The following NIBAN1 variants were observed in gnomAD, a reference collection of about 807,000 sequenced individuals.
NIBAN1 encodes niban apoptosis regulator 1, also known as protein Niban 1.
In NIBAN1, 81 loss-of-function variants were observed where a neutral mutation model predicts 75.1. That is an observed-to-expected ratio of 1.08 (90% CI 0.90 to 1.30). The LOEUF (loss-of-function observed/expected upper bound fraction) is 1.30, where lower values mean the gene tolerates loss of function less well. NIBAN1 is among the 50% of genes most tolerant of loss of function. The probability of loss-of-function intolerance (pLI) is 0.00; values close to 1 mark genes in which losing one functional copy is unlikely to be tolerated. For synonymous variants in NIBAN1, 436 were observed against 424.8 expected (o/e 1.03, Z -0.32); for missense variants, 1,133 against 1,128.1 (o/e 1.00, Z -0.06).
At chr1:184,962,145 A>T (rs866431801) in intron 1 of NIBAN1, among the ~76,000 whole-genome samples, 1 of 152,358 alleles carries the variant, frequency 6.6e-6, no homozygotes, top group African/African-American at 2.4e-5. Flanking sequence ...GAGAAAAGAG[A>T]ATAGAATATA....
Position 184,915,091 on chromosome 1 carries a change from C to T in NIBAN1, c.56-15782G>A, listed in dbSNP as rs116849712. Reference sequence around the variant, plus strand: ...TATTGAGCAGTATGTCTCTAGAAAACCTTTCATGTCTTCATCTTAAAATAG... The same window carrying T: ...TATTGAGCAGTATGTCTCTAGAAAATCTTTCATGTCTTCATCTTAAAATAG... On this transcript the variant is annotated intron_variant, in intron 1 of 13. Coordinates refer to ENST00000367511, the MANE Select transcript of NIBAN1 (RefSeq NM_052966.4). Among the ~76,000 whole-genome samples the T allele has an allele frequency of 4.2e-3, 644 of 152,250 alleles. 11 individuals carry two copies. The East Asian group carries it at 0.071, about 17-fold the overall frequency.
chr1:184,931,823 C>G (rs1657832727), intron 1 of NIBAN1, among the ~76,000 whole-genome samples: 1 of 152,186 alleles, frequency 6.6e-6, no homozygotes, highest in Non-Finnish European at 1.5e-5. Flanking sequence ...ATGTGTAGCG[C>G]AGCACAATCA....
chr1:184,940,799 A>G (rs1658071051), intron 1 of NIBAN1, among the ~76,000 whole-genome samples: 1 of 152,256 alleles, frequency 6.6e-6, no homozygotes, highest in African/African-American at 2.4e-5. Context: ...TGAAATAGAT[A>G]ACCGCTGCAA....
chr1:184,968,929 T>C (rs1381042082), intron 1 of NIBAN1, among the ~76,000 whole-genome samples: 1 of 152,184 alleles, frequency 6.6e-6, no homozygotes, highest in Non-Finnish European at 1.5e-5. Flanking sequence ...TGCTCCTTCT[T>C]GAAAGGACAC....
intron 1 of NIBAN1, among the ~76,000 whole-genome samples, chr1:184,940,844 A>G (rs1049430403): frequency 6.6e-6 from 1 of 152,228 alleles, no homozygotes; most frequent in African/African-American, 2.4e-5. Context: ...TCTTAGTGGA[A>G]AAGGTATGGT....
intron 1 of NIBAN1, among the ~76,000 whole-genome samples, chr1:184,901,145 TG>T (rs1377931911): frequency 2.0e-5 from 3 of 152,162 alleles, no homozygotes; most frequent in Non-Finnish European, 2.9e-5. Context: ...ATCCTACTTT[TG>T]TTTGGGAATT....
chr1:184,881,046 G>A (rs890491888), intron 5 of NIBAN1, among the ~76,000 whole-genome samples: 2 of 152,070 alleles, frequency 1.3e-5, no homozygotes, highest in African/African-American at 4.8e-5. Flanking sequence ...GCCCAATGAA[G>A]AGGTGCCAAA....
At chr1:184,836,194 G>T (rs1388264357) in intron 5 of NIBAN1, among the ~76,000 whole-genome samples, 1 of 152,136 alleles carries the variant, frequency 6.6e-6, no homozygotes, top group East Asian at 1.9e-4. Flanking sequence ...TAGTACACTG[G>T]GAGGGACTTT....
chr1:184,808,140 G>A lies in NIBAN1; in HGVS notation c.1269C>T (p.Leu423=), dbSNP rs1336457317. The A allele has an allele frequency of 6.2e-7, 1 of 1,614,024 alleles. No homozygotes were observed. The highest frequency in any genetic ancestry group is 2.2e-5 in the East Asian group (1 of 44,868). ...TGTGGGGGAATCTGAAGCGGCTCTT[G>A]AGATCCTGCAGGCGCTCGTGAAGCA... is the stretch of plus-strand genomic sequence containing the variant. ...VNLLHERLQD[L]KSRFRFPHID... is the part of the protein sequence containing the mutation. The change falls in exon 10 of 14, where the codon CTC becomes CTT. Residue 423 remains leucine, a synonymous_variant. Transcript: ENST00000367511.
At chr1:184,909,712 C>T (rs1219403092) in intron 1 of NIBAN1, among the ~76,000 whole-genome samples, 2 of 152,174 alleles carry the variant, frequency 1.3e-5, no homozygotes, top group Admixed American at 6.6e-5. Flanking sequence ...GGTTTTGACC[C>T]ACTGTCCACA....
At chr1:184,816,019 C>T (rs893360189) in intron 9 of NIBAN1, among the ~76,000 whole-genome samples, 3 of 152,208 alleles carry the variant, frequency 2.0e-5, no homozygotes, top group African/African-American at 4.8e-5. Context: ...AGTACCTATG[C>T]AGCTGCTGAC....
chr1:184,841,969 AT>A (rs1655298939), intron 5 of NIBAN1, among the ~76,000 whole-genome samples: 1 of 152,096 alleles, frequency 6.6e-6, no homozygotes, highest in African/African-American at 2.4e-5. Flanking sequence ...GGGTGCTGCC[AT>A]TCATATTCAC....
intron 5 of NIBAN1, among the ~76,000 whole-genome samples, chr1:184,871,005 G>C (rs1395886174): frequency 6.6e-6 from 1 of 152,094 alleles, no homozygotes; most frequent in Non-Finnish European, 1.5e-5. Flanking sequence ...GATCATTCTG[G>C]AATAGGATAA....
At chr1:184,836,844 T>C (rs1655158351) in intron 5 of NIBAN1, among the ~76,000 whole-genome samples, 2 of 152,244 alleles carry the variant, frequency 1.3e-5, no homozygotes, top group South Asian at 4.1e-4. Context: ...GATTCATCAT[T>C]GTATTTTCAG....
intron 5 of NIBAN1, among the ~76,000 whole-genome samples, chr1:184,833,683 T>C (rs1023972047): frequency 1.3e-5 from 2 of 151,816 alleles, no homozygotes; most frequent in Non-Finnish European, 2.9e-5. Flanking sequence ...TCCAGGGCAA[T>C]AGAGTGAGAC....
intron 1 of NIBAN1, among the ~76,000 whole-genome samples, chr1:184,944,181 G>A (rs539626792): frequency 6.6e-6 from 1 of 152,336 alleles, no homozygotes; most frequent in East Asian, 1.9e-4. Context: ...CCACTCATTG[G>A]TGATAGTGAA....
intron 1 of NIBAN1, among the ~76,000 whole-genome samples, chr1:184,901,035 C>G (rs1656941254): frequency 6.6e-6 from 1 of 152,122 alleles, no homozygotes; most frequent in Admixed American, 6.5e-5. Flanking sequence ...GATTGAGGTA[C>G]TCAATAGGAA....
chr1:184,842,728 C>A (rs550661858), intron 5 of NIBAN1, among the ~76,000 whole-genome samples: 2 of 147,918 alleles, frequency 1.4e-5, no homozygotes, highest in African/African-American at 5.0e-5. Flanking sequence ...ACGATCGTGC[C>A]ATTGCAGCCT....
At chr1:184,890,397 A>G (rs947436231) in intron 3 of NIBAN1, among the ~76,000 whole-genome samples, 175 bp from the exon 4 acceptor site, 2 of 152,214 alleles carry the variant, frequency 1.3e-5, no homozygotes, top group African/African-American at 4.8e-5. Flanking sequence ...TGCTAATGGC[A>G]AGGTAATATT....
Sources: gnomAD v4.1 joint callset for allele counts (sites outside exome capture counted in the v4.1 genomes callset) on GRCh38, gnomAD v4.1.1 for gene constraint, MANE v1.5 for transcripts, NCBI Gene and HGNC (gene_info 2026-07-23, HGNC 2026-07-21) for gene names.